SKIC3: variants seen among roughly 807,000 people sequenced by gnomAD.
SKIC3 encodes SKI3 subunit of superkiller complex.
At chr5:95,540,809 A>C in the SKIC3 span, 2 of 1,614,090 alleles carry the variant, frequency 1.2e-6, no homozygotes, top group Non-Finnish European at 1.7e-6. Flanking sequence ...GTTTTTATCA[A>C]CTTGTGCCAT....
At chr5:95,548,003 G>T in the SKIC3 span, among the ~76,000 whole-genome samples, 3 of 151,978 alleles carry the variant, frequency 2.0e-5, no homozygotes, top group Non-Finnish European at 4.4e-5. Context: ...GCCATAAAAA[G>T]ATATTTTAAT....
the SKIC3 span, among the ~76,000 whole-genome samples, chr5:95,490,506 T>TATATA: frequency 7.8e-6 from 1 of 128,114 alleles, no homozygotes; most frequent in African/African-American, 3.0e-5. Flanking sequence ...ATATATATAT[T>TATATA]TTTTTTTTTG....
At chr5:95,530,102 C>T in the SKIC3 span, 2 of 1,613,248 alleles carry the variant, frequency 1.2e-6, no homozygotes, top group Non-Finnish European at 1.7e-6. Context: ...CTGTTAGGTT[C>T]CTAACAGCAT....
the SKIC3 span, among the ~76,000 whole-genome samples, chr5:95,476,720 C>T: frequency 6.6e-6 from 1 of 151,954 alleles, no homozygotes; most frequent in Non-Finnish European, 1.5e-5. Context: ...TAGTAAATGG[C>T]AGAACCAGAA....
the SKIC3 span, chr5:95,528,104 T>C: frequency 6.2e-7 from 1 of 1,613,732 alleles, no homozygotes; most frequent in African/African-American, 1.3e-5. Flanking sequence ...AAGATTCCTC[T>C]GATAAAGACT....
At chr5:95,553,554 T>C in the SKIC3 span, among the ~76,000 whole-genome samples, 1 of 151,180 alleles carries the variant, frequency 6.6e-6, no homozygotes, top group East Asian at 1.9e-4. Context: ...TGTTTAGGGG[T>C]TTTTTTGTTT....
the SKIC3 span, among the ~76,000 whole-genome samples, chr5:95,544,576 C>G: frequency 6.6e-6 from 1 of 152,126 alleles, no homozygotes; most frequent in Non-Finnish European, 1.5e-5. Context: ...CATAATAATG[C>G]TGCCTCCTAA....
chr5:95,469,035 T>C, the SKIC3 span, among the ~76,000 whole-genome samples: 1 of 152,194 alleles, frequency 6.6e-6, no homozygotes. Flanking sequence ...TTGTGATGTG[T>C]CTTTTGCTAC....
the SKIC3 span, among the ~76,000 whole-genome samples, chr5:95,510,592 C>T: frequency 6.6e-6 from 1 of 152,176 alleles, no homozygotes; most frequent in South Asian, 2.1e-4. Context: ...GTGGCCCCCA[C>T]CCAGGAACTG....
At chr5:95,553,260 T>C in the SKIC3 span, among the ~76,000 whole-genome samples, 3 of 152,230 alleles carry the variant, frequency 2.0e-5, no homozygotes, top group Non-Finnish European at 4.4e-5. Flanking sequence ...AAAAGATGTA[T>C]TCTTGTAAGC....
At chr5:95,523,690 C>T in the SKIC3 span, 1 of 1,613,614 alleles carries the variant, frequency 6.2e-7, no homozygotes, top group Non-Finnish European at 8.5e-7. Context: ...TCAACTGCTG[C>T]AGCTCCAGAT....
At chr5:95,491,106 G>A in the SKIC3 span, 3 of 1,581,654 alleles carry the variant, frequency 1.9e-6, no homozygotes, top group Non-Finnish European at 2.6e-6. Flanking sequence ...TATCAAAAAT[G>A]AGATTAAGAG....
the SKIC3 span, chr5:95,512,425 A>G: frequency 1.3e-6 from 2 of 1,569,750 alleles, no homozygotes; most frequent in Non-Finnish European, 1.7e-6. Context: ...AATTATTTAA[A>G]TTATTTCAAT....
the SKIC3 span, among the ~76,000 whole-genome samples, chr5:95,481,460 G>A: frequency 1.3e-5 from 2 of 152,062 alleles, no homozygotes; most frequent in Non-Finnish European, 2.9e-5. Context: ...TCTTTCTTCT[G>A]TAAATTGCCC....
the SKIC3 span, chr5:95,521,934 G>T: frequency 2.4e-6 from 3 of 1,250,838 alleles, no homozygotes; most frequent in Non-Finnish European, 3.4e-6. Flanking sequence ...TCATATGGAT[G>T]CTTGCTGTTG....
At chr5:95,484,507 C>A in the SKIC3 span, among the ~76,000 whole-genome samples, 1 of 151,756 alleles carries the variant, frequency 6.6e-6, no homozygotes, top group Non-Finnish European at 1.5e-5. Flanking sequence ...TCACCAGGAC[C>A]GGTTAATTTT....
the SKIC3 span, among the ~76,000 whole-genome samples, chr5:95,472,010 C>G: frequency 6.6e-6 from 1 of 152,186 alleles, no homozygotes; most frequent in Non-Finnish European, 1.5e-5. Flanking sequence ...GCCCATGAAG[C>G]CAGCCCTGCT....
chr5:95,536,042 A>T, the SKIC3 span, among the ~76,000 whole-genome samples: 54 of 152,320 alleles, frequency 3.5e-4, no homozygotes, highest in African/African-American at 1.3e-3. Flanking sequence ...GGCTGGTGGA[A>T]AAACCAATAC....
chr5:95,552,228 A>G, the SKIC3 span, among the ~76,000 whole-genome samples: 1 of 152,210 alleles, frequency 6.6e-6, no homozygotes, highest in African/African-American at 2.4e-5. Context: ...ATCATCAAAC[A>G]TGAGTACCCT....
Sources: gnomAD v4.1 joint callset for allele counts (sites outside exome capture counted in the v4.1 genomes callset) on GRCh38, gnomAD v4.1.1 for gene constraint, MANE v1.5 for transcripts, NCBI Gene and HGNC (gene_info 2026-07-23, HGNC 2026-07-21) for gene names.